RARB: variants seen among roughly 807,000 people sequenced by gnomAD.
RARB encodes HBV-activated protein.
In RARB, 17 loss-of-function variants were observed where a neutral mutation model predicts 51.9. The observed-to-expected ratio is 0.33, with a 90% CI of 0.22 to 0.49. The LOEUF is 0.49. Among genes scored for constraint, RARB ranks in the 20% least tolerant of loss-of-function variants. The pLI is 0.99. For missense variants in RARB, 369 were observed against 550.8 expected (o/e 0.67, Z 3.30); for synonymous variants, 215 against 195.4 (o/e 1.10, Z -0.84).
intron 2 of RARB, among the ~76,000 whole-genome samples, chr3:24,999,371 G>C (rs1697109889): frequency 6.6e-6 from 1 of 152,084 alleles, no homozygotes; most frequent in Non-Finnish European, 1.5e-5. Flanking sequence ...GATTTTGCTG[G>C]TGTGCATGCT....
chr3:25,169,663 TATATC>T (rs931314047), intron 4 of RARB, among the ~76,000 whole-genome samples: 13 of 152,110 alleles, frequency 8.5e-5, no homozygotes, highest in Non-Finnish European at 1.9e-4. Flanking sequence ...TTAAGAGAGT[TATATC>T]ATATTTATAG....
At chr3:24,835,952 G>A (rs2125328027) in intron 1 of RARB, among the ~76,000 whole-genome samples, 1 of 152,262 alleles carries the variant, frequency 6.6e-6, no homozygotes, top group Admixed American at 6.5e-5. Flanking sequence ...TGGTTACTGG[G>A]GAAGCCTGAA....
At chr3:24,963,900 C>A (rs1469472013) in intron 2 of RARB, among the ~76,000 whole-genome samples, 1 of 151,966 alleles carries the variant, frequency 6.6e-6, no homozygotes, top group African/African-American at 2.4e-5. Flanking sequence ...GAAAAAAAAA[C>A]TTTACCTTCC....
chr3:25,323,810 A>C (rs1399095466), intron 5 of RARB, among the ~76,000 whole-genome samples: 1 of 152,200 alleles, frequency 6.6e-6, no homozygotes, highest in Non-Finnish European at 1.5e-5. Flanking sequence ...AAATTAAACT[A>C]AATTTATGAC....
chr3:25,034,381 T>A lies in RARB; in HGVS notation c.-379-25744T>A, dbSNP rs143412481. On this transcript the variant is annotated intron_variant, in intron 2 of 11. Coordinates refer to the RARB transcript ENST00000383772. ...GTGTGTCGAGAGGACCAGAGCATTG[T>A]GACTTAAAGGATGTTTCTCCATTTA... Among the ~76,000 whole-genome samples the A allele has an allele frequency of 1.1e-4, 17 of 152,340 alleles. No individual in the cohort carries two copies. In the East Asian group the frequency reaches 3.1e-3, roughly 28 times the overall value.
chr3:25,292,641 C>T (rs1307864903), intron 5 of RARB, among the ~76,000 whole-genome samples: 1 of 152,192 alleles, frequency 6.6e-6, no homozygotes, highest in Non-Finnish European at 1.5e-5. Context: ...TAATGCCTTC[C>T]TCTTTAGCTT....
At position 24,984,765 on chromosome 3, in the gene RARB, T is replaced by C. The variant is rs1172348010; in HGVS notation, c.-379-75360T>C. On this transcript the variant is annotated intron_variant, in intron 2 of 11. Transcript: ENST00000383772. ...GATGTTATATGCACAAAAAAGTTGC[T>C]GTGTTGGGGAAACAGGTTAATCTGC... is the stretch of plus-strand genomic sequence containing the variant. Among the ~76,000 whole-genome samples, 8 of 36,238 alleles carry C rather than the reference T, an allele frequency of 2.2e-4. No individual in the cohort carries two copies. In the Admixed American group the frequency reaches 2.3e-3, roughly 10 times the overall value. The allele number at this position is 36,238 out of a possible 152,430, so 23.8% of individuals were successfully genotyped here.
rs1185938577 is a variant in RARB, at chr3:25,461,275, C to T, written c.240C>T (p.Pro80=). The T allele has an allele frequency of 6.2e-7, 1 of 1,614,066 alleles. No individual in the cohort carries two copies. Among genetic ancestry groups the T allele is most frequent in the Non-Finnish European group, 8.5e-7 (1 of 1,180,008 alleles). Residue 80 remains proline, a synonymous_variant, in exon 2 of 8, where the codon CCC becomes CCT. Transcript: ENST00000330688. ...SPLPPPRVYK[P]CFVCQDKSSG... Reference sequence around the variant, plus strand: ...TTCCTCCCCCTCGAGTGTACAAACCCTGCTTCGTCTGCCAGGACAAATCAT... The same window carrying T: ...TTCCTCCCCCTCGAGTGTACAAACCTTGCTTCGTCTGCCAGGACAAATCAT...
At chr3:24,937,694 A>G (rs1436501865) in intron 2 of RARB, among the ~76,000 whole-genome samples, 1 of 152,036 alleles carries the variant, frequency 6.6e-6, no homozygotes, top group Admixed American at 6.6e-5. Context: ...TATTCAGGCT[A>G]TTGCTCCTCA....
At chr3:24,911,269 C>A (rs976366136) in intron 2 of RARB, among the ~76,000 whole-genome samples, 1 of 152,098 alleles carries the variant, frequency 6.6e-6, no homozygotes, top group Non-Finnish European at 1.5e-5. Flanking sequence ...AACACACAGA[C>A]CTCCCAACAA....
chr3:24,949,054 T>C (rs1318859174), intron 2 of RARB, among the ~76,000 whole-genome samples: 1 of 152,232 alleles, frequency 6.6e-6, no homozygotes, highest in East Asian at 1.9e-4. Context: ...AAAGGACATA[T>C]TCTGTTCCTG....
At chr3:25,142,289 G>A (rs1381058961) in intron 4 of RARB, among the ~76,000 whole-genome samples, 2 of 152,092 alleles carry the variant, frequency 1.3e-5, no homozygotes, top group Admixed American at 6.5e-5. Context: ...AACCTAGATC[G>A]TGCCACTGCA....
At chr3:25,224,060 A>C (rs1194470074) in intron 5 of RARB, among the ~76,000 whole-genome samples, 1 of 152,234 alleles carries the variant, frequency 6.6e-6, no homozygotes, top group African/African-American at 2.4e-5. Flanking sequence ...TAGAATGTTA[A>C]CACTTGAAGA....
At chr3:24,837,885 A>T (rs550053436) in intron 1 of RARB, among the ~76,000 whole-genome samples, 19 of 152,366 alleles carry the variant, frequency 1.2e-4, no homozygotes, top group Admixed American at 7.2e-4. Flanking sequence ...GCCTTAACAC[A>T]TTAACACAAA....
chr3:24,832,085 G>A lies in RARB; in HGVS notation c.-459+2682G>A, dbSNP rs550799815. Among the ~76,000 whole-genome samples, 21 of 152,218 alleles carry A rather than the reference G, an allele frequency of 1.4e-4. No individual in the cohort carries two copies. In the East Asian group the frequency reaches 3.5e-3, roughly 25 times the overall value. ...TATTGTGCATTGTTTTAACCTTAGGGACATTTGTGAAAACTTCTTTACTCA... is the reference window on the plus strand; with the variant it reads ...TATTGTGCATTGTTTTAACCTTAGGAACATTTGTGAAAACTTCTTTACTCA... On this transcript the variant is annotated intron_variant, in intron 1 of 11. Transcript: ENST00000383772.
intron 4 of RARB, among the ~76,000 whole-genome samples, chr3:25,571,920 G>T (rs1262453753): frequency 6.6e-6 from 1 of 152,176 alleles, no homozygotes; most frequent in Admixed American, 6.5e-5. Flanking sequence ...CAGAGACCTG[G>T]CCCCCATGCT....
chr3:25,129,271 C>A (rs1699908121), intron 3 of RARB, among the ~76,000 whole-genome samples: 2 of 152,000 alleles, frequency 1.3e-5, no homozygotes, highest in African/African-American at 2.4e-5. Flanking sequence ...CCCATGATTT[C>A]TCTTTCTGAA....
At chr3:25,483,293 A>G (rs568306147) in intron 2 of RARB, among the ~76,000 whole-genome samples, 2 of 152,342 alleles carry the variant, frequency 1.3e-5, no homozygotes, top group Admixed American at 6.5e-5. Context: ...ATTTTAGTTG[A>G]AAAAATATGT....
intron 5 of RARB, among the ~76,000 whole-genome samples, chr3:25,341,777 C>G (rs4681048): frequency 0.36 from 55,121 of 151,630 alleles, 10,706 homozygotes; most frequent in South Asian, 0.5. Flanking sequence ...AACAGCCCCC[C>G]ATAACAAAGA....
Sources: gnomAD v4.1 joint callset for allele counts (sites outside exome capture counted in the v4.1 genomes callset) on GRCh38, gnomAD v4.1.1 for gene constraint, MANE v1.5 for transcripts, NCBI Gene and HGNC (gene_info 2026-07-23, HGNC 2026-07-21) for gene names.